The following TRAF3 variants were observed in gnomAD, a reference collection of about 807,000 sequenced individuals.
TRAF3 encodes TNF receptor associated factor 3, also known as TNF receptor-associated factor 3.
In TRAF3, 13 loss-of-function variants were observed where a neutral mutation model predicts 62.3. That is an observed-to-expected ratio of 0.21 (90% CI 0.14 to 0.33). The LOEUF (loss-of-function observed/expected upper bound fraction) is 0.33. Among genes scored for constraint, TRAF3 ranks in the 10% least tolerant of loss-of-function variants. TRAF3 has a pLI of 1.00. For synonymous variants in TRAF3, 269 were observed against 283.4 expected (o/e 0.95, Z 0.51); for missense variants, 440 against 741.8 (o/e 0.59, Z 4.73).
At chr14:102,840,619 G>A (rs554816615) in intron 2 of TRAF3, among the ~76,000 whole-genome samples, 2 of 152,116 alleles carry the variant, frequency 1.3e-5, no homozygotes, top group South Asian at 4.1e-4. Flanking sequence ...CACCATTATC[G>A]ATATTATATA....
chr14:102,903,128 G>A lies in TRAF3; in HGVS notation c.961-127G>A, dbSNP rs771419698. 1.7e-5 allele frequency: 22 copies of A among 1,317,940 alleles called. No individual in the cohort carries two copies. The highest frequency in any genetic ancestry group is 2.3e-5 in the East Asian group (1 of 42,700). The allele number at this position is 1,317,940 out of a possible 1,614,324, so 81.6% of individuals were successfully genotyped here. A position where few individuals can be genotyped will look rare whatever the true frequency, so the allele number is the denominator to read the frequency against. On this transcript the variant is annotated intron_variant, in intron 10 of 11. Transcript: ENST00000392745. This position sits in a 1 kb window ranked among gnomAD's most constrained non-coding sequence, Gnocchi z 6.4. The stretch of plus-strand genomic sequence containing the variant: ...GCCCCACTCCTGGAGTCAGAGCCGC[G>A]GGTGGCAGGCCTCATACAGGGGCCT...
At chr14:102,794,795 T>TA (rs1369332742) in intron 1 of TRAF3, among the ~76,000 whole-genome samples, 1 of 152,138 alleles carries the variant, frequency 6.6e-6, no homozygotes, top group Non-Finnish European at 1.5e-5. Flanking sequence ...CAATAATTTC[T>TA]AAAAAACTTT....
intron 6 of TRAF3, among the ~76,000 whole-genome samples, chr14:102,877,096 G>A (rs1043387842): frequency 5.6e-5 from 7 of 125,630 alleles, no homozygotes; most frequent in Non-Finnish European, 1.1e-4. Flanking sequence ...CCTTGTGCTC[G>A]ATTCATAGAT....
At chr14:102,849,794 T>C (rs1886929223) in intron 2 of TRAF3, among the ~76,000 whole-genome samples, 1 of 152,202 alleles carries the variant, frequency 6.6e-6, no homozygotes, top group South Asian at 2.1e-4. Flanking sequence ...TTTGCATGAA[T>C]GTGGATTTTC....
intron 6 of TRAF3, among the ~76,000 whole-genome samples, chr14:102,881,505 A>G (rs1889064842): frequency 6.6e-6 from 1 of 152,144 alleles, no homozygotes; most frequent in South Asian, 2.1e-4. Context: ...GAAAAACACC[A>G]CATGTTCTCA....
chr14:102,891,525 T>A, intron 9 of TRAF3, 108 bp downstream of exon 9: 1 of 1,205,718 alleles, frequency 8.3e-7, no homozygotes, highest in East Asian at 2.6e-5. Context: ...AAAGAAACTA[T>A]CAAGAGAATG....
chr14:102,856,097 C>CAA (rs3070340), intron 2 of TRAF3, among the ~76,000 whole-genome samples: 1,804 of 52,494 alleles, frequency 0.034, 19 homozygotes, highest in African/African-American at 0.061. Context: ...CCCTGTCTCA[C>CAA]AAAAAAAAAA....
At chr14:102,879,435 T>A (rs1888914114) in intron 6 of TRAF3, among the ~76,000 whole-genome samples, 1 of 152,036 alleles carries the variant, frequency 6.6e-6, no homozygotes, top group African/African-American at 2.4e-5. Context: ...TTTTTGTATT[T>A]TTTGTAGAGA....
At position 102,796,706 on chromosome 14, in the gene TRAF3, A is replaced by G. The variant is rs531177194; in HGVS notation, c.-157+19031A>G. 8.5e-5 allele frequency among the ~76,000 whole-genome samples: 13 copies of G among 152,350 alleles called. 1 individual carries two copies. In the South Asian group the frequency reaches 2.5e-3, roughly 29 times the overall value. On this transcript the variant is annotated intron_variant, in intron 1 of 11. Coordinates refer to ENST00000392745, the MANE Select transcript of TRAF3 (RefSeq NM_145725.3). ...CCGGAATGACTGGCTGCTGCATGGA[A>G]TTGCAGAGGCCTGAGTGCCTCTGCT... is the stretch of plus-strand genomic sequence containing the variant.
rs1415420513 is a variant in TRAF3, at chr14:102,903,776, T to C, written c.1135+347T>C. The C allele has an allele frequency of 4.0e-6, 2 of 494,992 alleles. No homozygotes were observed. The highest frequency in any genetic ancestry group is 4.6e-5 in the Admixed American group (2 of 43,584). 30.7% of individuals were successfully genotyped at this position (494,992 alleles called of 1,614,324 possible). A position where few individuals can be genotyped will look rare whatever the true frequency, so the allele number is the denominator to read the frequency against. ...GATGGCAGAGGCCAGGACCTGCTGG[T>C]CGGGGCGCCCCAGACCCCACTCCTA... On this transcript the variant is annotated intron_variant, in intron 11 of 11. Coordinates refer to ENST00000392745, the MANE Select transcript of TRAF3 (RefSeq NM_145725.3). The surrounding 1 kb of genome is among the most constrained non-coding windows in gnomAD (Gnocchi z 6.4).
rs2139606414 is a variant in TRAF3 at position 102,826,536 on chromosome 14, C to G, written c.-156-3798C>G. ...TGAAGACGTCCTGGAGGAGAAGATT[C>G]CAGAGCCTGAGATGTGAAGTAGGTT... On this transcript the variant is annotated intron_variant, in intron 1 of 11. Coordinates refer to ENST00000392745, the MANE Select transcript of TRAF3 (RefSeq NM_145725.3). The surrounding 1 kb of genome is among the most constrained non-coding windows in gnomAD (Gnocchi z 4.6). Among the ~76,000 whole-genome samples the G allele has an allele frequency of 6.6e-6, 1 of 152,188 alleles. No individual in the cohort carries two copies. The highest frequency in any genetic ancestry group is 1.5e-5 in the Non-Finnish European group (1 of 68,010).
intron 2 of TRAF3, among the ~76,000 whole-genome samples, chr14:102,837,718 A>T (rs1886114954): frequency 6.6e-6 from 1 of 152,106 alleles, no homozygotes; most frequent in South Asian, 2.1e-4. Flanking sequence ...GGAAATTTTG[A>T]GATATGTATT....
intron 1 of TRAF3, among the ~76,000 whole-genome samples, chr14:102,802,696 C>T (rs549514204): frequency 1.4e-4 from 21 of 151,598 alleles, no homozygotes; most frequent in Non-Finnish European, 2.5e-4. Context: ...GGGTGTGTGG[C>T]GGGCGCCTGT....
intron 2 of TRAF3, among the ~76,000 whole-genome samples, chr14:102,832,886 T>C (rs182379473): frequency 9.2e-5 from 14 of 152,348 alleles, no homozygotes; most frequent in Non-Finnish European, 1.9e-4. Flanking sequence ...AGCTACTTCT[T>C]AAGCATTTGA....
intron 2 of TRAF3, among the ~76,000 whole-genome samples, chr14:102,869,075 G>GA (rs1388956478): frequency 6.6e-6 from 1 of 152,204 alleles, no homozygotes; most frequent in African/African-American, 2.4e-5. Flanking sequence ...GCACCTACCT[G>GA]AACCCGAGCC....
chr14:102,872,904 C>T (rs926983904), intron 4 of TRAF3, among the ~76,000 whole-genome samples: 1 of 151,952 alleles, frequency 6.6e-6, no homozygotes, highest in Non-Finnish European at 1.5e-5. Context: ...GTTGGTTAGG[C>T]CAGTCTCGAA....
At chr14:102,897,896 C>T (rs1205918520) in intron 10 of TRAF3, among the ~76,000 whole-genome samples, 3 of 152,202 alleles carry the variant, frequency 2.0e-5, no homozygotes, top group Non-Finnish European at 4.4e-5. Context: ...AACCTTTGCT[C>T]CCCTGAATAG....
chr14:102,853,705 G>A (rs1183584661), intron 2 of TRAF3, among the ~76,000 whole-genome samples: 1 of 151,934 alleles, frequency 6.6e-6, no homozygotes, highest in East Asian at 1.9e-4. Context: ...GGGCATGGTG[G>A]CACACTCCTG....
intron 1 of TRAF3, among the ~76,000 whole-genome samples, chr14:102,824,869 A>G (rs558066386): frequency 6.6e-6 from 1 of 152,312 alleles, no homozygotes; most frequent in South Asian, 2.1e-4. Context: ...TTGTGGCTCT[A>G]TTTGGTAACA....
Sources: gnomAD v4.1 joint callset for allele counts (sites outside exome capture counted in the v4.1 genomes callset) on GRCh38, gnomAD v4.1.1 for gene constraint, Gnocchi (gnomAD v3.1) non-coding constraint, MANE v1.5 for transcripts, NCBI Gene and HGNC (gene_info 2026-07-23, HGNC 2026-07-21) for gene names.